The following UNC13C variants were observed in gnomAD, a reference collection of about 807,000 sequenced individuals.
UNC13C encodes the protein unc-13 homolog C, also known as protein unc-13 homolog C.
UNC13C carries 174 observed loss-of-function variants against 245.4 expected under a neutral mutation model. That is an observed-to-expected ratio of 0.71 (90% CI 0.63 to 0.80). The LOEUF (loss-of-function observed/expected upper bound fraction) is 0.80, where lower values mean the gene tolerates loss of function less well. Ranked by LOEUF, UNC13C falls within the 30% of genes least tolerant of loss-of-function variation. UNC13C has a pLI of 0.00. For synonymous variants in UNC13C, 992 were observed against 895.1 expected, an observed-to-expected ratio of 1.11 and a Z score of -1.93; for missense variants, 2,829 against 2,602.9, an observed-to-expected ratio of 1.09 and a Z score of -1.89.
chr15:53,969,061 G>A, the UNC13C span, among the ~76,000 whole-genome samples: 2 of 152,154 alleles, frequency 1.3e-5, no homozygotes, highest in African/African-American at 4.8e-5. Flanking sequence ...AGGATAAAGA[G>A]AATAATTACA....
chr15:54,588,378 C>T (rs1245667147), intron 30 of UNC13C, among the ~76,000 whole-genome samples: 1 of 152,216 alleles, frequency 6.6e-6, no homozygotes, highest in Admixed American at 6.5e-5. Context: ...ATGTCTCATT[C>T]CCTCATCTGT....
intron 4 of UNC13C, among the ~76,000 whole-genome samples, chr15:54,151,137 A>T (rs2032495312): frequency 6.6e-6 from 1 of 152,158 alleles, no homozygotes; most frequent in Non-Finnish European, 1.5e-5. Flanking sequence ...ACGGTTGATC[A>T]GGGATACTGT....
intron 2 of UNC13C, among the ~76,000 whole-genome samples, chr15:54,093,766 T>G (rs1356511224): frequency 6.6e-6 from 1 of 152,180 alleles, no homozygotes; most frequent in Non-Finnish European, 1.5e-5. Context: ...TGGAGAAAAG[T>G]CACATTCAGC....
chr15:53,965,812 C>T, the UNC13C span, among the ~76,000 whole-genome samples: 8 of 151,916 alleles, frequency 5.3e-5, no homozygotes, highest in East Asian at 5.8e-4. Flanking sequence ...TGAGAATATG[C>T]GGTGTTTGGT....
chr15:54,458,124 A>G (rs1240477538), intron 19 of UNC13C, among the ~76,000 whole-genome samples: 1 of 151,902 alleles, frequency 6.6e-6, no homozygotes, highest in East Asian at 1.9e-4. Flanking sequence ...TTAATTTTCC[A>G]TCTTGATTTC....
chr15:54,585,326 G>A (rs1004324307), intron 30 of UNC13C, among the ~76,000 whole-genome samples: 9 of 151,980 alleles, frequency 5.9e-5, no homozygotes, highest in South Asian at 2.1e-4. Flanking sequence ...TACTGCCCCC[G>A]TGTCTCTCTT....
In UNC13C at chr15:54,143,626, A is replaced by G. The variant is rs764969215; in HGVS notation, c.3013A>G (p.Ile1005Val). Residue 1005 changes from isoleucine (I) to valine (V), a missense_variant, in exon 4 of 33, where the codon ATA becomes GTA. Transcript: ENST00000260323. ...CTCTTACTCTTCATTTAAGGCTCGA[A>G]TAGTAAGTGGCAATGATTTGGATGC... The part of the protein sequence containing the change: ...DSSSVDEKAR[I>V]VSGNDLDASK... The G allele has an allele frequency of 1.9e-6, 3 of 1,613,162 alleles. No homozygotes were observed. Among genetic ancestry groups the G allele is most frequent in the African/African-American group, 1.3e-5 (1 of 75,008 alleles).
At chr15:54,110,577 A>G (rs968378013) in intron 2 of UNC13C, among the ~76,000 whole-genome samples, 1 of 152,210 alleles carries the variant, frequency 6.6e-6, no homozygotes, top group African/African-American at 2.4e-5. Context: ...TTAAAAGAGG[A>G]TTACACTTAT....
chr15:53,867,987 T>A, the UNC13C span, among the ~76,000 whole-genome samples: 1 of 152,014 alleles, frequency 6.6e-6, no homozygotes, highest in African/African-American at 2.4e-5. Flanking sequence ...CCTGCCACCA[T>A]TCCTAGCTAA....
At chr15:54,449,349 G>A (rs527522797) in intron 19 of UNC13C, among the ~76,000 whole-genome samples, 50 of 152,166 alleles carry the variant, frequency 3.3e-4, no homozygotes, top group Admixed American at 1.0e-3. Flanking sequence ...AAGTTCTCCC[G>A]GATAATATCC....
intron 2 of UNC13C, among the ~76,000 whole-genome samples, chr15:54,084,654 T>C (rs1407837138): frequency 2.0e-5 from 3 of 152,202 alleles, no homozygotes; most frequent in Non-Finnish European, 4.4e-5. Context: ...TTGTATATTA[T>C]AAATATTCAA....
chr15:54,068,617 T>A (rs1898178572), intron 2 of UNC13C, among the ~76,000 whole-genome samples: 1 of 152,146 alleles, frequency 6.6e-6, no homozygotes, highest in Non-Finnish European at 1.5e-5. Flanking sequence ...TAAAGGAGAA[T>A]GTGTTGATTG....
intron 8 of UNC13C, among the ~76,000 whole-genome samples, chr15:54,259,782 G>T (rs184977108): frequency 1.3e-5 from 2 of 152,276 alleles, no homozygotes; most frequent in South Asian, 2.1e-4. Context: ...TGGCATGTAG[G>T]TTAACCAAAT....
chr15:53,907,719 C>T, the UNC13C span, among the ~76,000 whole-genome samples: 3 of 148,010 alleles, frequency 2.0e-5, no homozygotes, highest in African/African-American at 7.3e-5. Context: ...TTATTATTAT[C>T]TAAAGAATTA....
At chr15:54,353,394 A>G (rs2039026292) in intron 17 of UNC13C, among the ~76,000 whole-genome samples, 1 of 152,216 alleles carries the variant, frequency 6.6e-6, no homozygotes. Context: ...AATTCTGGAG[A>G]TGTGTCCCTA....
chr15:54,286,035 G>A (rs958881204), intron 10 of UNC13C, among the ~76,000 whole-genome samples: 1 of 151,918 alleles, frequency 6.6e-6, no homozygotes, highest in Admixed American at 6.6e-5. Context: ...CTGCCACCAT[G>A]CCAGGCTAAT....
intron 17 of UNC13C, among the ~76,000 whole-genome samples, chr15:54,356,531 C>A (rs1046205644): frequency 1.3e-5 from 2 of 152,240 alleles, no homozygotes; most frequent in South Asian, 4.1e-4. Flanking sequence ...ATAGATATAG[C>A]GTCTGGTGGG....
chr15:54,547,490 T>A (rs1306917491), intron 27 of UNC13C, among the ~76,000 whole-genome samples: 2 of 152,154 alleles, frequency 1.3e-5, no homozygotes, highest in Non-Finnish European at 2.9e-5. Flanking sequence ...TACGGGGCAA[T>A]GTATTTTTTT....
At chr15:54,455,199 C>CTATATA (rs1388460343) in intron 19 of UNC13C, among the ~76,000 whole-genome samples, 1 of 38,758 alleles carries the variant, frequency 2.6e-5, no homozygotes, top group Non-Finnish European at 5.4e-5. Flanking sequence ...CTCTCTCTCT[C>CTATATA]TCTCTCTATA....
Sources: gnomAD v4.1 joint callset for allele counts (sites outside exome capture counted in the v4.1 genomes callset) on GRCh38, gnomAD v4.1.1 for gene constraint, MANE v1.5 for transcripts, NCBI Gene and HGNC (gene_info 2026-07-23, HGNC 2026-07-21) for gene names.